The following SMCO4 variants were observed in gnomAD, a reference collection of about 807,000 sequenced individuals.
SMCO4 encodes single-pass membrane and coiled-coil domain-containing protein 4.
In SMCO4, 4 loss-of-function variants were observed where a neutral mutation model predicts 3.6. The ratio of observed to expected loss-of-function variants is 1.11; its 90% CI spans 0.54 to 2.53. SMCO4 has a LOEUF of 2.53. SMCO4 is among the 30% of genes most tolerant of loss of function. The pLI is 0.02. For missense variants in SMCO4, 70 were observed against 80.8 expected, an observed-to-expected ratio of 0.87 and a Z score of 0.51; for synonymous variants, 36 against 35.3, an observed-to-expected ratio of 1.02 and a Z score of -0.07.
At chr11:93,538,561 G>A (rs1949247335) in intron 1 of SMCO4, among the ~76,000 whole-genome samples, 1 of 152,190 alleles carries the variant, frequency 6.6e-6, no homozygotes, top group Non-Finnish European at 1.5e-5. Context: ...CACAGGGAAG[G>A]GAAGGCCCTT....
At chr11:93,534,683 A>C (rs1949202391) in intron 1 of SMCO4, among the ~76,000 whole-genome samples, 1 of 151,748 alleles carries the variant, frequency 6.6e-6, no homozygotes, top group South Asian at 2.1e-4. Context: ...CCCCTCCACC[A>C]CTCCTGCTCT....
At chr11:93,479,382 G>T (rs1948564827) in intron 2 of SMCO4, 113 bp from the exon 3 acceptor site, 11 of 1,053,218 alleles carry the variant, frequency 1.0e-5, no homozygotes. Flanking sequence ...ATGACAAAGG[G>T]CTAAGAACAG....
chr11:93,534,046 C>T (rs1949188475), intron 1 of SMCO4, among the ~76,000 whole-genome samples: 1 of 151,710 alleles, frequency 6.6e-6, no homozygotes, highest in Non-Finnish European at 1.5e-5. Flanking sequence ...CAAAAATTAG[C>T]CAGGCGTGGT....
At chr11:93,527,431 C>T (rs1350814443) in intron 1 of SMCO4, among the ~76,000 whole-genome samples, 1 of 152,062 alleles carries the variant, frequency 6.6e-6, no homozygotes, top group Non-Finnish European at 1.5e-5. Context: ...GTTAAGGCCA[C>T]AAAACTATAC....
Position 93,478,950 on chromosome 11 carries a change from T to C in SMCO4, c.*60A>G. The C allele has an allele frequency of 6.5e-7, 1 of 1,539,334 alleles. No individual in the cohort carries two copies. Among genetic ancestry groups the C allele is most frequent in the African/African-American group, 1.4e-5 (1 of 73,384 alleles). Reference sequence around the variant, plus strand: ...TCTGAATATGAAAGCCATTTTTTGTTTGCGTCCCCCTCCCGCGCCTCCTCT... The same window carrying C: ...TCTGAATATGAAAGCCATTTTTTGTCTGCGTCCCCCTCCCGCGCCTCCTCT... On this transcript the variant is annotated 3_prime_UTR_variant, in exon 3 of 3. Transcript: ENST00000298966.
intron 2 of SMCO4, among the ~76,000 whole-genome samples, chr11:93,483,042 C>T (rs970755588): frequency 6.6e-6 from 1 of 152,036 alleles, no homozygotes; most frequent in South Asian, 2.1e-4. Flanking sequence ...GACCTGCCTT[C>T]GAGAGGCAAA....
In SMCO4 at chr11:93,478,681, G is replaced by A. The variant is rs181378109; in HGVS notation, c.*329C>T. ...GAGGTTCCATCCCTCTTCAGGTGGAGCTACTTATCGATTTTTAGGAGAGAA... is the reference window on the plus strand; with the variant it reads ...GAGGTTCCATCCCTCTTCAGGTGGAACTACTTATCGATTTTTAGGAGAGAA... On this transcript the variant is annotated 3_prime_UTR_variant, in exon 3 of 3. Transcript: ENST00000298966. The A allele has an allele frequency of 1.9e-4, 54 of 286,030 alleles. No individual in the cohort carries two copies. Among genetic ancestry groups the A allele is most frequent in the Admixed American group, 9.7e-4 (18 of 18,510 alleles). 17.7% of individuals were successfully genotyped at this position (286,030 alleles called of 1,614,324 possible). A position where few individuals can be genotyped will look rare whatever the true frequency, so the allele number is the denominator to read the frequency against.
chr11:93,486,206 G>A (rs1360539812), intron 2 of SMCO4, among the ~76,000 whole-genome samples: 1 of 152,236 alleles, frequency 6.6e-6, no homozygotes, highest in Non-Finnish European at 1.5e-5. Flanking sequence ...CAAGGGAACT[G>A]AGGCTTAGAG....
Position 93,479,045 on chromosome 11 carries a change from C to G in SMCO4, c.145G>C (p.Val49Leu). Residue 49 changes from valine (V) to leucine (L), a missense_variant, in exon 3 of 3, where the codon GTG becomes CTG. Coordinates refer to ENST00000298966, the MANE Select transcript of SMCO4 (RefSeq NM_020179.3). Reference protein sequence around the residue: ...AVVVLLIVVFVYVATRPTITE With the variant: ...AVVVLLIVVFLYVATRPTITE Reference sequence around the variant, plus strand: ...ATGGTGGGGCGCGTGGCCACGTACACAAACACCACGATCAAGAGCACGACC... The same window carrying G: ...ATGGTGGGGCGCGTGGCCACGTACAGAAACACCACGATCAAGAGCACGACC... 6.2e-7 allele frequency: 1 copy of G among 1,613,124 alleles called. No homozygotes were observed. The highest frequency in any genetic ancestry group is 8.5e-7 in the Non-Finnish European group (1 of 1,179,708).
At chr11:93,491,797 A>G (rs1240716423) in intron 2 of SMCO4, among the ~76,000 whole-genome samples, 1 of 152,212 alleles carries the variant, frequency 6.6e-6, no homozygotes, top group Non-Finnish European at 1.5e-5. Context: ...CACTGGAGCT[A>G]GAGAAACACA....
intron 2 of SMCO4, among the ~76,000 whole-genome samples, chr11:93,495,904 A>T (rs1300277248): frequency 1.3e-5 from 2 of 152,140 alleles, no homozygotes; most frequent in Non-Finnish European, 2.9e-5. Flanking sequence ...GCGTTTGGAA[A>T]ATTGAAGTCA....
chr11:93,552,866 C>A, the SMCO4 span, among the ~76,000 whole-genome samples: 1 of 152,050 alleles, frequency 6.6e-6, no homozygotes, highest in Admixed American at 6.6e-5. Flanking sequence ...CCTCAAATTC[C>A]TTTTAGGAAA....
chr11:93,541,805 TA>T (rs1350641607), intron 1 of SMCO4, among the ~76,000 whole-genome samples: 1 of 152,222 alleles, frequency 6.6e-6, no homozygotes, highest in African/African-American at 2.4e-5. Context: ...CTAATTTCTT[TA>T]TAAGAACAGG....
At chr11:93,505,636 A>T (rs770214757) in intron 1 of SMCO4, among the ~76,000 whole-genome samples, 10 of 152,192 alleles carry the variant, frequency 6.6e-5, no homozygotes, top group South Asian at 2.1e-4. Flanking sequence ...ATAGCCTCCC[A>T]TTCCCCTTAA....
chr11:93,553,878 AC>A, the SMCO4 span, among the ~76,000 whole-genome samples: 3 of 152,326 alleles, frequency 2.0e-5, no homozygotes, highest in Middle Eastern at 0.01. Context: ...TATTTGCTCT[AC>A]AAAGCCAGGT....
At chr11:93,492,956 A>G (rs1948735535) in intron 2 of SMCO4, among the ~76,000 whole-genome samples, 1 of 152,240 alleles carries the variant, frequency 6.6e-6, no homozygotes, top group African/African-American at 2.4e-5. Flanking sequence ...CGGTGTGTCA[A>G]TGTTCTCCAA....
chr11:93,535,816 C>T, intron 1 of SMCO4: 1 of 1,582,354 alleles, frequency 6.3e-7, no homozygotes. Context: ...AACAGCAGCA[C>T]AGTAAAGGAC....
chr11:93,480,841 T>G (rs1300479800), intron 2 of SMCO4, among the ~76,000 whole-genome samples: 2 of 152,244 alleles, frequency 1.3e-5, no homozygotes, highest in Non-Finnish European at 2.9e-5. Flanking sequence ...CTCTTACCAT[T>G]CCTCTCACTC....
chr11:93,501,970 G>A (rs1042712358), intron 1 of SMCO4, among the ~76,000 whole-genome samples: 1 of 152,028 alleles, frequency 6.6e-6, no homozygotes, highest in African/African-American at 2.4e-5. Flanking sequence ...GGCCTGGGCT[G>A]CACAGGACCA....
Sources: gnomAD v4.1 joint callset for allele counts (sites outside exome capture counted in the v4.1 genomes callset) on GRCh38, gnomAD v4.1.1 for gene constraint, MANE v1.5 for transcripts, NCBI Gene and HGNC (gene_info 2026-07-23, HGNC 2026-07-21) for gene names.